Variants in SLC36A1 observed in about 807,000 individuals in gnomAD.
The protein encoded by SLC36A1 is proton-coupled amino acid transporter 1.
In SLC36A1, 30 loss-of-function variants were observed where a neutral mutation model predicts 47.5. The observed-to-expected ratio is 0.63, with a 90% CI of 0.47 to 0.86. The LOEUF (loss-of-function observed/expected upper bound fraction) is 0.86. Ranked by LOEUF, SLC36A1 falls within the 40% of genes least tolerant of loss-of-function variation. The probability of loss-of-function intolerance (pLI) is 0.00; values close to 1 mark genes in which losing one functional copy is unlikely to be tolerated. For synonymous variants in SLC36A1, 255 were observed against 249.7 expected (o/e 1.02, Z -0.20); for missense variants, 517 against 606.0 (o/e 0.85, Z 1.54).
chr5:151,474,714 C>T (rs1400307650), intron 8 of SLC36A1, among the ~76,000 whole-genome samples: 2 of 152,092 alleles, frequency 1.3e-5, no homozygotes, highest in Non-Finnish European at 2.9e-5. Flanking sequence ...GTGATTTCAC[C>T]AAATGCTTTT....
chr5:151,514,636 C>T, the SLC36A1 span, among the ~76,000 whole-genome samples: 13 of 152,230 alleles, frequency 8.5e-5, no homozygotes, highest in South Asian at 2.1e-4. Context: ...TGAGTCCATC[C>T]GTTCTTCCAG....
chr5:151,347,300 A>G, the SLC36A1 span: 1 of 1,614,186 alleles, frequency 6.2e-7, no homozygotes, highest in Non-Finnish European at 8.5e-7. Flanking sequence ...CACTCACGTT[A>G]TGCCCTTGGT....
At chr5:151,367,481 C>T in the SLC36A1 span, among the ~76,000 whole-genome samples, 1 of 151,080 alleles carries the variant, frequency 6.6e-6, no homozygotes, top group African/African-American at 2.5e-5. Context: ...AAATATGGCT[C>T]TTTTTGCCTG....
upstream of SLC36A1, among the ~76,000 whole-genome samples, chr5:151,435,943 A>G (rs966355397): frequency 1.3e-5 from 2 of 152,102 alleles, no homozygotes. Context: ...AGGGATAGGA[A>G]AGATTTAGCA....
At chr5:151,386,391 T>C in the SLC36A1 span, among the ~76,000 whole-genome samples, 5 of 152,340 alleles carry the variant, frequency 3.3e-5, no homozygotes, top group South Asian at 1.0e-3. Flanking sequence ...CTACTTTTAG[T>C]ATTTGAAGAT....
At chr5:151,366,352 A>C in the SLC36A1 span, 27 of 169,054 alleles carry the variant, frequency 1.6e-4, no homozygotes, top group Non-Finnish European at 3.2e-4. Context: ...TCAGTTTAGG[A>C]AGTGAAGCGG....
At chr5:151,507,438 G>A in the SLC36A1 span, 1 of 1,614,176 alleles carries the variant, frequency 6.2e-7, no homozygotes, top group Non-Finnish European at 8.5e-7. Context: ...CATGGCCACA[G>A]GCTTGTGAGA....
chr5:151,527,292 G>A, the SLC36A1 span: 5 of 1,610,550 alleles, frequency 3.1e-6, no homozygotes, highest in Non-Finnish European at 4.2e-6. Context: ...ATTGACATCA[G>A]CCACTTGGAT....
At chr5:151,475,629 T>C (rs973605250) in intron 8 of SLC36A1, among the ~76,000 whole-genome samples, 1 of 152,212 alleles carries the variant, frequency 6.6e-6, no homozygotes, top group African/African-American at 2.4e-5. Flanking sequence ...AGAAGCTGTT[T>C]CTAATGGATG....
chr5:151,505,577 C>T, the SLC36A1 span: 1 of 1,614,116 alleles, frequency 6.2e-7, no homozygotes, highest in Non-Finnish European at 8.5e-7. Context: ...AGAACATGAC[C>T]TCCTCACAGC....
At chr5:151,453,059 C>T (rs36036885) in intron 1 of SLC36A1, among the ~76,000 whole-genome samples, 19,327 of 151,050 alleles carry the variant, frequency 0.13, 1,504 homozygotes, top group South Asian at 0.26. Context: ...AAAAAATTAG[C>T]CAGTTGTGGT....
At chr5:151,538,094 C>G in the SLC36A1 span, 1 of 590,860 alleles carries the variant, frequency 1.7e-6, no homozygotes, top group South Asian at 2.8e-5. Context: ...AGAACAGAGA[C>G]AGAGAGAGAG....
the SLC36A1 span, among the ~76,000 whole-genome samples, chr5:151,548,012 A>G: frequency 5.9e-5 from 9 of 152,366 alleles, no homozygotes; most frequent in African/African-American, 1.7e-4. Context: ...ATCTCCATCA[A>G]TGAGGTTGTC....
chr5:151,384,393 G>A, the SLC36A1 span, among the ~76,000 whole-genome samples: 2 of 152,216 alleles, frequency 1.3e-5, no homozygotes, highest in Non-Finnish European at 2.9e-5. Flanking sequence ...TGCCGGAAGA[G>A]AAATCTATGG....
the SLC36A1 span, among the ~76,000 whole-genome samples, chr5:151,517,169 A>ACAGG: frequency 6.6e-6 from 1 of 152,216 alleles, no homozygotes; most frequent in South Asian, 2.1e-4. Flanking sequence ...TGTTAAAATC[A>ACAGG]CAGGCAGACT....
the SLC36A1 span, among the ~76,000 whole-genome samples, chr5:151,397,764 C>CAAAAAAAAAAAAAAAAAAAAAAAAAAAA: frequency 2.3e-5 from 1 of 44,338 alleles, no homozygotes; most frequent in Non-Finnish European, 4.1e-5. Context: ...AACTCCAACT[C>CAAAAAAAAAAAAAAAAAAAAAAAAAAAA]AAAAAAAAAA....
the SLC36A1 span, among the ~76,000 whole-genome samples, chr5:151,385,009 A>AGAGTGTGTGTGTGTGTGTGTGT: frequency 6.2e-5 from 8 of 128,522 alleles, no homozygotes; most frequent in African/African-American, 2.9e-4. Flanking sequence ...AGAGAGAGAG[A>AGAGTGTGTGTGTGTGTGTGTGT]GTGTGTGTGT....
downstream of SLC36A1, among the ~76,000 whole-genome samples, chr5:151,496,274 T>C (rs1214092473): frequency 6.6e-6 from 1 of 152,220 alleles, no homozygotes; most frequent in Non-Finnish European, 1.5e-5. Flanking sequence ...TGCTCCTCCT[T>C]GCCTTCCGCC....
the SLC36A1 span, chr5:151,546,024 T>C: frequency 1.2e-6 from 2 of 1,614,184 alleles, no homozygotes; most frequent in Non-Finnish European, 1.7e-6. Flanking sequence ...TAGAGAAGAC[T>C]CCATCCTTAT....
Sources: gnomAD v4.1 joint callset for allele counts (sites outside exome capture counted in the v4.1 genomes callset) on GRCh38, gnomAD v4.1.1 for gene constraint, MANE v1.5 for transcripts, NCBI Gene and HGNC (gene_info 2026-07-23, HGNC 2026-07-21) for gene names.